Variants in PGS1 observed in about 807,000 individuals in gnomAD.
The protein encoded by PGS1 is CDP-diacylglycerol--glycerol-3-phosphate 3-phosphatidyltransferase, mitochondrial.
In PGS1, 44 loss-of-function variants were observed where a neutral mutation model predicts 58.3. The observed-to-expected ratio is 0.75, with a 90% CI of 0.59 to 0.97. The LOEUF (loss-of-function observed/expected upper bound fraction) is 0.97, where lower values mean the gene tolerates loss of function less well. PGS1 is among the 50% of genes least tolerant of loss of function. PGS1 has a pLI of 0.00. For missense variants in PGS1, 684 were observed against 731.1 expected (o/e 0.94, Z 0.74); for synonymous variants, 330 against 311.0 (o/e 1.06, Z -0.64).
At chr17:78,393,254 G>A (rs2082965535) in intron 2 of PGS1, among the ~76,000 whole-genome samples, 1 of 151,238 alleles carries the variant, frequency 6.6e-6, no homozygotes, top group Non-Finnish European at 1.5e-5. Flanking sequence ...TAGAGATGGG[G>A]TTTCACTGTG....
At chr17:78,408,499 C>T (rs546156619) in intron 7 of PGS1, among the ~76,000 whole-genome samples, 18 of 152,282 alleles carry the variant, frequency 1.2e-4, no homozygotes, top group Admixed American at 7.8e-4. Flanking sequence ...GTTCCTAGGC[C>T]AGGTGAGGCA....
Position 78,392,601 on chromosome 17 carries a change from T to C in PGS1, c.269T>C (p.Phe90Ser). 1 of 1,614,194 alleles carries C rather than the reference T, an allele frequency of 6.2e-7. No homozygotes were observed. Among genetic ancestry groups the C allele is most frequent in the Non-Finnish European group, 8.5e-7 (1 of 1,180,020 alleles). Residue 90 changes from phenylalanine (F) to serine (S), a missense_variant, in exon 2 of 10, where the codon TTT becomes TCT. Transcript: ENST00000262764. The stretch of plus-strand genomic sequence containing the variant: ...TGGATCAGAAACCTGGTTCCAGAAT[T>C]TGGAGTCTCCAGTTCTCACGTTAGG... Reference protein sequence around the residue: ...FQWIRNLVPEFGVSSSHVRVL... With the variant: ...FQWIRNLVPESGVSSSHVRVL...
chr17:78,407,251 T>C (rs572555247), intron 7 of PGS1, among the ~76,000 whole-genome samples: 7 of 152,258 alleles, frequency 4.6e-5, no homozygotes, highest in African/African-American at 1.4e-4. Context: ...GCAGAGGGGC[T>C]TCACCCTAAA....
chr17:78,379,181 A>AT (rs1290138472), intron 1 of PGS1, among the ~76,000 whole-genome samples: 2 of 152,142 alleles, frequency 1.3e-5, no homozygotes, highest in Admixed American at 6.5e-5. Context: ...GGCTGTTTAT[A>AT]TCATGGTTTC....
chr17:78,416,003 A>G (rs1244854762), intron 8 of PGS1, among the ~76,000 whole-genome samples: 1 of 152,194 alleles, frequency 6.6e-6, no homozygotes, highest in South Asian at 2.1e-4. Context: ...AACTGTTGCA[A>G]AATTGTCAGA....
intron 8 of PGS1, among the ~76,000 whole-genome samples, chr17:78,416,278 G>A (rs1385084332): frequency 1.3e-5 from 2 of 152,244 alleles, no homozygotes; most frequent in African/African-American, 4.8e-5. Flanking sequence ...TCCAGTAATA[G>A]GGTGACAAGC....
chr17:78,379,962 G>T (rs2081922885), intron 1 of PGS1, among the ~76,000 whole-genome samples: 1 of 151,164 alleles, frequency 6.6e-6, no homozygotes, highest in Admixed American at 6.6e-5. Context: ...CACCTTCCAG[G>T]TTCAAGCGAT....
intron 1 of PGS1, among the ~76,000 whole-genome samples, chr17:78,387,298 C>T (rs1751234936): frequency 1.3e-5 from 2 of 151,486 alleles, no homozygotes; most frequent in Non-Finnish European, 2.9e-5. Flanking sequence ...GCCACTGCGC[C>T]CAGCCTTTTT....
At chr17:78,392,345 A>G in intron 1 of PGS1, 131 bp from the exon 2 acceptor site, 1 of 589,456 alleles carries the variant, frequency 1.7e-6, no homozygotes, top group Non-Finnish European at 3.0e-6. Context: ...GTTCTAGAAA[A>G]TCTGACATTC....
chr17:78,392,986 T>G (rs1479593062), intron 2 of PGS1, among the ~76,000 whole-genome samples: 1 of 152,176 alleles, frequency 6.6e-6, no homozygotes, highest in African/African-American at 2.4e-5. Context: ...CTTGAACCAC[T>G]GGGCTCAAGT....
At position 78,404,023 on chromosome 17, in the gene PGS1, C is replaced by T. The variant is rs1275916380; in HGVS notation, c.1336C>T (p.Leu446=). 4 of 1,612,328 alleles carry T rather than the reference C, an allele frequency of 2.5e-6. No homozygotes were observed. The highest frequency in any genetic ancestry group is 8.5e-7 in the Non-Finnish European group (1 of 1,179,002). ...ERQFFSEVCS[L]GQQERVQLQE... ...ACAGTTCTTCAGTGAGGTGTGCAGC[C>T]TGGGACAGCAGGAGCGGGTCCAGCT... The change falls in exon 7 of 10, where the codon CTG becomes TTG. Residue 446 remains leucine, a synonymous_variant. Transcript: ENST00000262764.
rs747538944 is a variant in PGS1 at position 78,419,704 on chromosome 17, C to T, written c.*10+29C>T. ...CTGTCTCTAGCATCACCTCTCAGCA[C>T]GATTTTCCCGAGAGTTCACAGGTGG... On this transcript the variant is annotated intron_variant, in intron 9 of 9. Transcript: ENST00000262764. The T allele has an allele frequency of 5.6e-6, 9 of 1,610,186 alleles. No homozygotes were observed. The Admixed American group carries it at 1.3e-4, about 24-fold the overall frequency.
chr17:78,385,364 CTACAAGCTCT>C (rs1479814196), intron 1 of PGS1, among the ~76,000 whole-genome samples: 1 of 151,956 alleles, frequency 6.6e-6, no homozygotes, highest in African/African-American at 2.4e-5. Context: ...TCTTGCCTCA[CTACAAGCTCT>C]GCCTGCCGAG....
intron 3 of PGS1, among the ~76,000 whole-genome samples, chr17:78,397,699 T>TGGCCAAG (rs1456682097): frequency 6.6e-6 from 1 of 152,132 alleles, no homozygotes; most frequent in Non-Finnish European, 1.5e-5. Flanking sequence ...CCTCCCAAAG[T>TGGCCAAG]GCTGGGATTA....
rs770907648 is a variant in PGS1, at chr17:78,399,535, C to T, written c.699C>T (p.Ser233=). ...VYLFDNSVIL[S]GANLSDSYFT... ...TCTTCGACAACAGCGTCATCTTGAG[C>T]GGGTGAGTGCTTCCCACCGTCAGTG... The change falls in exon 5 of 10, where the codon AGC becomes AGT. Residue 233 remains serine (S), a splice_region_variant and synonymous_variant. Transcript: ENST00000262764. The T allele has an allele frequency of 1.2e-5, 19 of 1,613,800 alleles. No homozygotes were observed. Among genetic ancestry groups the T allele is most frequent in the Non-Finnish European group, 1.4e-5 (16 of 1,179,868 alleles).
At chr17:78,405,952 G>A (rs1019515504) in intron 7 of PGS1, among the ~76,000 whole-genome samples, 1 of 152,206 alleles carries the variant, frequency 6.6e-6, no homozygotes, top group Admixed American at 6.5e-5. Flanking sequence ...ATCTTCCGGT[G>A]CTCAGGTGGT....
chr17:78,382,185 C>T (rs1277092574), intron 1 of PGS1, among the ~76,000 whole-genome samples: 1 of 152,042 alleles, frequency 6.6e-6, no homozygotes, highest in East Asian at 1.9e-4. Context: ...GAGGTCCCAC[C>T]AATACTGAAA....
chr17:78,424,379 C>G lies in PGS1; in HGVS notation c.*329C>G. ...GCTCAAGGAACAGCTCAGCTAAAGC[C>G]CTCGGGTTCCATCCGTTTAAATCTG... is the stretch of plus-strand genomic sequence containing the variant. On this transcript the variant is annotated 3_prime_UTR_variant, in exon 10 of 10. Coordinates refer to ENST00000262764, the MANE Select transcript of PGS1 (RefSeq NM_024419.5). 1 of 501,154 alleles carries G rather than the reference C, an allele frequency of 2.0e-6. No homozygotes were observed. The highest frequency in any genetic ancestry group is 1.9e-5 in the African/African-American group (1 of 52,822). 31.0% of individuals were successfully genotyped at this position (501,154 alleles called of 1,614,324 possible).
chr17:78,410,103 A>T (rs1193342230), intron 7 of PGS1, among the ~76,000 whole-genome samples: 1 of 150,806 alleles, frequency 6.6e-6, no homozygotes. Context: ...ACTCCGTCTC[A>T]AAAACAAAAC....
Sources: allele counts gnomAD v4.1 joint callset (sites outside exome capture counted in the v4.1 genomes callset), GRCh38; gene constraint gnomAD v4.1.1; transcripts MANE v1.5; gene names NCBI Gene and HGNC (gene_info 2026-07-23, HGNC 2026-07-21).